PTPRD: variants seen among roughly 807,000 people sequenced by gnomAD.
The protein encoded by PTPRD is protein tyrosine phosphatase receptor type D.
Under a neutral mutation model 214.5 loss-of-function variants are expected in PTPRD, and 34 were observed. That is an observed-to-expected ratio of 0.16 (90% CI 0.12 to 0.21). PTPRD has a LOEUF of 0.21. Among genes scored for constraint, PTPRD ranks in the 10% least tolerant of loss-of-function variants. PTPRD has a pLI of 1.00. For missense variants in PTPRD, 2,545 were observed against 2,398.7 expected (o/e 1.06, Z -1.27); for synonymous variants, 1,128 against 845.7 (o/e 1.33, Z -5.79).
chr9:8,507,107 G>GT (rs1212690412), intron 22 of PTPRD, among the ~76,000 whole-genome samples, 194 bp downstream of exon 22: 1 of 151,710 alleles, frequency 6.6e-6, no homozygotes, highest in Non-Finnish European at 1.5e-5. Context: ...AATAACCACT[G>GT]TTTTTTGTCA....
At chr9:10,278,240 T>C (rs753595906) in intron 3 of PTPRD, among the ~76,000 whole-genome samples, 24 of 152,288 alleles carry the variant, frequency 1.6e-4, no homozygotes, top group Middle Eastern at 3.4e-3. Context: ...AAAAATAATG[T>C]TTGAGAAAAT....
chr9:8,973,155 A>T (rs1014212714), intron 11 of PTPRD, among the ~76,000 whole-genome samples: 1 of 151,978 alleles, frequency 6.6e-6, no homozygotes, highest in African/African-American at 2.4e-5. Flanking sequence ...AGATGAATAT[A>T]TTGGACCCAG....
chr9:8,978,516 A>C (rs1212065327), intron 11 of PTPRD, among the ~76,000 whole-genome samples: 1 of 151,938 alleles, frequency 6.6e-6, no homozygotes, highest in Non-Finnish European at 1.5e-5. Flanking sequence ...AAAATTGAGA[A>C]AGGCGCCCTC....
At chr9:8,684,100 T>C (rs769740692) in intron 12 of PTPRD, among the ~76,000 whole-genome samples, 22 of 152,142 alleles carry the variant, frequency 1.4e-4, no homozygotes, top group Non-Finnish European at 2.5e-4. Context: ...AAAAGTCATC[T>C]CTGCTGCGCC....
At chr9:9,049,689 G>T (rs1169722534) in intron 10 of PTPRD, among the ~76,000 whole-genome samples, 1 of 152,096 alleles carries the variant, frequency 6.6e-6, no homozygotes, top group Non-Finnish European at 1.5e-5. Flanking sequence ...TATACCTCAG[G>T]AACTTACATG....
intron 4 of PTPRD, among the ~76,000 whole-genome samples, chr9:10,022,639 A>T (rs2096845977): frequency 6.6e-6 from 1 of 152,212 alleles, no homozygotes; most frequent in Non-Finnish European, 1.5e-5. Context: ...CACAGTGAGT[A>T]TTTCATTCTA....
chr9:9,629,236 G>GTA (rs1253086328), intron 7 of PTPRD, among the ~76,000 whole-genome samples: 3 of 108,862 alleles, frequency 2.8e-5, no homozygotes, highest in African/African-American at 4.5e-5. Flanking sequence ...ATGTGTGTGT[G>GTA]TGTATATATA....
chr9:8,892,943 C>T (rs1025623166), intron 11 of PTPRD, among the ~76,000 whole-genome samples: 1 of 151,856 alleles, frequency 6.6e-6, no homozygotes, highest in South Asian at 2.1e-4. Context: ...TAAAGTGAGT[C>T]ATGAAATTAA....
chr9:9,887,230 G>A (rs1310077603), intron 5 of PTPRD, among the ~76,000 whole-genome samples: 5 of 151,890 alleles, frequency 3.3e-5, no homozygotes, highest in Non-Finnish European at 7.4e-5. Context: ...TCACTTCACC[G>A]TATTTACCTT....
At chr9:8,560,675 T>C (rs547789549) in intron 14 of PTPRD, among the ~76,000 whole-genome samples, 1 of 152,242 alleles carries the variant, frequency 6.6e-6, no homozygotes, top group South Asian at 2.1e-4. Context: ...CACCCAACCA[T>C]TAAACAAACA....
At chr9:9,648,482 T>G (rs2096252645) in intron 7 of PTPRD, among the ~76,000 whole-genome samples, 1 of 152,230 alleles carries the variant, frequency 6.6e-6, no homozygotes, top group Non-Finnish European at 1.5e-5. Context: ...GATTTGATGT[T>G]TCTGACCTGA....
intron 10 of PTPRD, among the ~76,000 whole-genome samples, chr9:9,056,260 T>C (rs546608664): frequency 5.2e-4 from 79 of 152,178 alleles, no homozygotes; most frequent in Non-Finnish European, 5.9e-4. Context: ...CATCTATTAA[T>C]ACATTTATGG....
intron 14 of PTPRD, among the ~76,000 whole-genome samples, chr9:8,563,359 T>C (rs749951051): frequency 6.6e-6 from 1 of 152,048 alleles, no homozygotes; most frequent in Non-Finnish European, 1.5e-5. Context: ...ATCAATTGTA[T>C]CTCAATAAGT....
chr9:8,410,119 G>A (rs1405903393), intron 35 of PTPRD, among the ~76,000 whole-genome samples: 1 of 152,130 alleles, frequency 6.6e-6, no homozygotes, highest in Non-Finnish European at 1.5e-5. Flanking sequence ...GTTTGAAAAT[G>A]GTAAATTAAT....
intron 3 of PTPRD, among the ~76,000 whole-genome samples, chr9:10,252,255 G>C (rs1484725725): frequency 6.6e-6 from 1 of 152,132 alleles, no homozygotes; most frequent in East Asian, 1.9e-4. Context: ...GGTGTGTTCT[G>C]CAAAGTTAGA....
At chr9:8,900,631 T>C (rs966916144) in intron 11 of PTPRD, among the ~76,000 whole-genome samples, 23 of 152,334 alleles carry the variant, frequency 1.5e-4, no homozygotes, top group African/African-American at 5.1e-4. Flanking sequence ...AGGTTGGGGA[T>C]GGTCATGATG....
chr9:9,063,308 C>T (rs1370251449), intron 10 of PTPRD, among the ~76,000 whole-genome samples: 1 of 152,080 alleles, frequency 6.6e-6, no homozygotes, highest in Non-Finnish European at 1.5e-5. Flanking sequence ...ATCCTTCATG[C>T]CTAAGAAGGT....
chr9:10,146,914 A>G (rs1379826039), intron 3 of PTPRD, among the ~76,000 whole-genome samples: 1 of 152,176 alleles, frequency 6.6e-6, no homozygotes, highest in Non-Finnish European at 1.5e-5. Context: ...CAATAGGGAC[A>G]TGAATGTGCT....
chr9:8,418,660 G>A (rs1366790772), intron 35 of PTPRD, among the ~76,000 whole-genome samples: 1 of 151,172 alleles, frequency 6.6e-6, no homozygotes, highest in Non-Finnish European at 1.5e-5. Flanking sequence ...GGAATTACAC[G>A]TAGTCTTATA....
Sources: gnomAD v4.1 joint callset for allele counts (sites outside exome capture counted in the v4.1 genomes callset) on GRCh38, gnomAD v4.1.1 for gene constraint, MANE v1.5 for transcripts, NCBI Gene and HGNC (gene_info 2026-07-23, HGNC 2026-07-21) for gene names.